The following BLOC1S5 variants were observed in gnomAD, a reference collection of about 807,000 sequenced individuals.
BLOC1S5 encodes biogenesis of lysosome-related organelles complex 1 subunit 5.
A neutral mutation model predicts 24.3 loss-of-function variants in BLOC1S5; 27 were observed. The ratio of observed to expected loss-of-function variants is 1.11; its 90% CI spans 0.82 to 1.53. BLOC1S5 has a LOEUF of 1.53. BLOC1S5 is among the 40% of genes most tolerant of loss of function. The probability of loss-of-function intolerance (pLI) is 0.00; values close to 1 mark genes in which losing one functional copy is unlikely to be tolerated. For missense variants in BLOC1S5, 239 were observed against 229.4 expected (o/e 1.04, Z -0.27); for synonymous variants, 84 against 74.5 (o/e 1.13, Z -0.66).
At chr6:8,058,357 G>GAAAAAAAAAAAAAAAA (rs60827828) in intron 2 of BLOC1S5, among the ~76,000 whole-genome samples, 1 of 84,554 alleles carries the variant, frequency 1.2e-5, no homozygotes, top group African/African-American at 3.5e-5. Flanking sequence ...CTGTCTCTAT[G>GAAAAAAAAAAAAAAAA]AAAAAAAAAA....
intron 3 of BLOC1S5, among the ~76,000 whole-genome samples, chr6:8,029,441 C>T (rs1763221608): frequency 6.6e-6 from 1 of 152,212 alleles, no homozygotes; most frequent in Admixed American, 6.5e-5. Flanking sequence ...TCTGCTTCCC[C>T]ATCATCTTGG....
intron 2 of BLOC1S5, among the ~76,000 whole-genome samples, chr6:8,042,141 T>C (rs1486035417): frequency 6.6e-6 from 1 of 152,168 alleles, no homozygotes; most frequent in Non-Finnish European, 1.5e-5. Context: ...GTTAAAAAAT[T>C]GGCAAGAGAA....
chr6:8,059,260 G>T (rs1480927047), intron 2 of BLOC1S5, among the ~76,000 whole-genome samples: 1 of 152,236 alleles, frequency 6.6e-6, no homozygotes, highest in Non-Finnish European at 1.5e-5. Context: ...ACAGTCATCT[G>T]TCCTTAAATA....
In BLOC1S5 at chr6:8,015,568, G is replaced by T; in HGVS notation, c.*81C>A. The T allele has an allele frequency of 7.2e-7, 1 of 1,392,780 alleles. No homozygotes were observed. Among genetic ancestry groups the T allele is most frequent in the South Asian group, 1.4e-5 (1 of 72,080 alleles). The allele number at this position is 1,392,780 out of a possible 1,614,324, so 86.3% of individuals were successfully genotyped here. A position where few individuals can be genotyped will look rare whatever the true frequency, so the allele number is the denominator to read the frequency against. ...ATATATTGCTAAGCTTGAAGCAGAG[G>T]CTAAACGGTCTGGTGGGAATAGTTT... is the stretch of plus-strand genomic sequence containing the variant. On this transcript the variant is annotated 3_prime_UTR_variant, in exon 5 of 5. Coordinates refer to ENST00000397457, the MANE Select transcript of BLOC1S5 (RefSeq NM_201280.3).
intron 1 of BLOC1S5, among the ~76,000 whole-genome samples, chr6:8,063,967 GAGGCTGCCCAA>G (rs1250391539): frequency 2.0e-5 from 3 of 152,196 alleles, no homozygotes; most frequent in East Asian, 3.9e-4. Context: ...CGTCGGTGGC[GAGGCTGCCCAA>G]AGGCTCTGCG....
At chr6:8,059,954 A>G (rs1350720167) in intron 2 of BLOC1S5, among the ~76,000 whole-genome samples, 2 of 152,204 alleles carry the variant, frequency 1.3e-5, no homozygotes, top group Admixed American at 6.5e-5. Context: ...CTGGCATATC[A>G]TTACTTCCTG....
At chr6:8,048,938 A>C (rs1056511311) in intron 2 of BLOC1S5, among the ~76,000 whole-genome samples, 2 of 150,462 alleles carry the variant, frequency 1.3e-5, no homozygotes, top group African/African-American at 4.9e-5. Flanking sequence ...ACTTGAACCC[A>C]GGGTGGCAGA....
chr6:8,064,232 T>C, intron 1 of BLOC1S5, 33 bp downstream of exon 1: 1 of 1,564,558 alleles, frequency 6.4e-7, no homozygotes, highest in South Asian at 1.1e-5. Context: ...TGTGCTGGGA[T>C]CCACCAGGAA....
intron 3 of BLOC1S5, among the ~76,000 whole-genome samples, chr6:8,038,833 G>A (rs1581413737): frequency 6.6e-6 from 1 of 152,222 alleles, no homozygotes; most frequent in African/African-American, 2.4e-5. Context: ...TGGCGAGGAT[G>A]TGGAGAAAAG....
intron 2 of BLOC1S5, among the ~76,000 whole-genome samples, chr6:8,045,880 C>T (rs1581422456): frequency 6.6e-6 from 1 of 152,278 alleles, no homozygotes; most frequent in Admixed American, 6.5e-5. Context: ...AAGGGACTTG[C>T]CTTGTCTCAG....
chr6:8,053,357 C>G (rs1440626461), intron 2 of BLOC1S5, among the ~76,000 whole-genome samples: 1 of 152,122 alleles, frequency 6.6e-6, no homozygotes, highest in Admixed American at 6.5e-5. Flanking sequence ...TCATTGTTGT[C>G]TTATTTTAAG....
chr6:8,029,181 C>T (rs963295641), intron 3 of BLOC1S5, among the ~76,000 whole-genome samples: 2 of 152,058 alleles, frequency 1.3e-5, no homozygotes, highest in Admixed American at 6.6e-5. Context: ...GATATAGAAG[C>T]GAGCTAGCTT....
intron 3 of BLOC1S5, among the ~76,000 whole-genome samples, chr6:8,031,973 A>G (rs1218285474): frequency 6.6e-6 from 1 of 152,246 alleles, no homozygotes; most frequent in African/African-American, 2.4e-5. Context: ...TCAACTCAAG[A>G]TGGATCAAAG....
At chr6:8,032,561 G>A (rs575744884) in intron 3 of BLOC1S5, among the ~76,000 whole-genome samples, 5 of 152,116 alleles carry the variant, frequency 3.3e-5, no homozygotes, top group East Asian at 3.9e-4. Context: ...CTTTGAAAAC[G>A]GGCACAAGAC....
At chr6:8,051,816 A>G (rs964114123) in intron 2 of BLOC1S5, among the ~76,000 whole-genome samples, 8 of 152,176 alleles carry the variant, frequency 5.3e-5, no homozygotes, top group African/African-American at 1.9e-4. Context: ...TGTTTACAGT[A>G]TGGTTTACTG....
At chr6:8,022,753 T>G (rs967777259) in intron 4 of BLOC1S5, among the ~76,000 whole-genome samples, 19 of 137,358 alleles carry the variant, frequency 1.4e-4, no homozygotes, top group Non-Finnish European at 2.5e-4. Flanking sequence ...CCCGGCTAAT[T>G]TTTTGTATTT....
intron 3 of BLOC1S5, among the ~76,000 whole-genome samples, chr6:8,038,507 C>T (rs540663629): frequency 3.4e-5 from 5 of 149,002 alleles, no homozygotes; most frequent in South Asian, 2.2e-4. Context: ...TAATTATTGA[C>T]GGAGTCTCAC....
intron 4 of BLOC1S5, among the ~76,000 whole-genome samples, chr6:8,024,699 C>T (rs764337935): frequency 8.5e-5 from 13 of 152,202 alleles, no homozygotes; most frequent in Non-Finnish European, 1.6e-4. Context: ...CTTACCCACA[C>T]GGTGACCGCT....
chr6:8,016,110 C>CA (rs2113502629), intron 4 of BLOC1S5, among the ~76,000 whole-genome samples: 1 of 152,276 alleles, frequency 6.6e-6, no homozygotes, highest in South Asian at 2.1e-4. Flanking sequence ...TGGATCACCT[C>CA]AAGTAAGGAG....
Sources: gnomAD v4.1 joint callset for allele counts (sites outside exome capture counted in the v4.1 genomes callset) on GRCh38, gnomAD v4.1.1 for gene constraint, MANE v1.5 for transcripts, NCBI Gene and HGNC (gene_info 2026-07-23, HGNC 2026-07-21) for gene names.